The following ARFGAP3 variants were observed in gnomAD, a reference collection of about 807,000 sequenced individuals.
ARFGAP3 encodes ADP-ribosylation factor GTPase-activating protein 3.
A neutral mutation model predicts 75.0 loss-of-function variants in ARFGAP3; 72 were observed. The ratio of observed to expected loss-of-function variants is 0.96; its 90% CI spans 0.79 to 1.17. The LOEUF (loss-of-function observed/expected upper bound fraction) is 1.17, where lower values mean the gene tolerates loss of function less well. ARFGAP3 is among the 50% of genes most tolerant of loss of function. ARFGAP3 has a pLI of 0.00. For synonymous variants in ARFGAP3, 221 were observed against 217.9 expected, an observed-to-expected ratio of 1.01 and a Z score of -0.13; for missense variants, 620 against 626.6, an observed-to-expected ratio of 0.99 and a Z score of 0.11.
intron 9 of ARFGAP3, among the ~76,000 whole-genome samples, chr22:42,821,024 C>G (rs369862654): frequency 3.9e-4 from 60 of 152,210 alleles, no homozygotes; most frequent in Admixed American, 1.1e-3. Flanking sequence ...TCCACATTAT[C>G]GTTCCAACTC....
chr22:42,837,254 G>C (rs1363644874), intron 3 of ARFGAP3, among the ~76,000 whole-genome samples: 2 of 152,130 alleles, frequency 1.3e-5, no homozygotes, highest in African/African-American at 4.8e-5. Context: ...TTGAGGCCAG[G>C]AATTCGAGAC....
chr22:42,827,846 G>A (rs1286254936), intron 6 of ARFGAP3, among the ~76,000 whole-genome samples: 1 of 151,924 alleles, frequency 6.6e-6, no homozygotes, highest in Non-Finnish European at 1.5e-5. Flanking sequence ...AACTTTCGGA[G>A]GCCAAGTTGG....
intron 1 of ARFGAP3, chr22:42,853,898 G>C (rs1927387193): frequency 1.2e-5 from 2 of 160,258 alleles, no homozygotes; most frequent in African/African-American, 2.4e-5. Context: ...ATGCTGCAGA[G>C]AGCATGAGGA....
intron 5 of ARFGAP3, among the ~76,000 whole-genome samples, chr22:42,831,998 G>A (rs1455389065): frequency 2.6e-5 from 4 of 151,856 alleles, no homozygotes; most frequent in Admixed American, 6.6e-5. Flanking sequence ...GCCCAGGCTC[G>A]TCTCAAACGC....
chr22:42,850,259 G>A (rs991655548), intron 1 of ARFGAP3, among the ~76,000 whole-genome samples: 2 of 151,074 alleles, frequency 1.3e-5, no homozygotes, highest in Admixed American at 6.6e-5. Flanking sequence ...TAATCTTTTT[G>A]CAGGAAAAAA....
chr22:42,842,620 C>T (rs186749758), intron 2 of ARFGAP3, among the ~76,000 whole-genome samples: 16 of 151,654 alleles, frequency 1.1e-4, no homozygotes, highest in African/African-American at 3.1e-4. Flanking sequence ...GGCTAATTTT[C>T]GTAATTTTAG....
intron 3 of ARFGAP3, among the ~76,000 whole-genome samples, chr22:42,839,024 G>A (rs1224115666): frequency 6.7e-6 from 1 of 150,242 alleles, no homozygotes; most frequent in African/African-American, 2.5e-5. Flanking sequence ...GCAGAAGAAT[G>A]GCATGAACCT....
chr22:42,802,282 A>G (rs1199822793), intron 14 of ARFGAP3, among the ~76,000 whole-genome samples: 3 of 150,772 alleles, frequency 2.0e-5, no homozygotes, highest in Non-Finnish European at 2.9e-5. Flanking sequence ...GCTCCTCAAA[A>G]TAACAATTTT....
intron 3 of ARFGAP3, among the ~76,000 whole-genome samples, chr22:42,839,783 A>G (rs1926699331): frequency 6.6e-6 from 1 of 151,788 alleles, no homozygotes; most frequent in South Asian, 2.1e-4. Context: ...AGCACTTATC[A>G]CTGCCTGTTA....
At position 42,840,932 on chromosome 22, in the gene ARFGAP3, A is replaced by C. The variant is rs760719397; in HGVS notation, c.261+12T>G. 6.2e-7 allele frequency: 1 copy of C among 1,613,196 alleles called. No homozygotes were observed. Among genetic ancestry groups the C allele is most frequent in the Admixed American group, 1.7e-5 (1 of 59,870 alleles). ...AACAAGAAGGAAAATGACGAGTTTG[A>C]GATGAACTTACTGCACTAGCGTTTC... On this transcript the variant is annotated intron_variant, in intron 3 of 15. Coordinates refer to ENST00000263245, the MANE Select transcript of ARFGAP3 (RefSeq NM_014570.5).
intron 1 of ARFGAP3, among the ~76,000 whole-genome samples, chr22:42,853,954 T>C (rs1042691675): frequency 1.3e-5 from 2 of 152,180 alleles, no homozygotes; most frequent in Non-Finnish European, 2.9e-5. Context: ...GATCTCCATT[T>C]TAAAGAAAAC....
intron 12 of ARFGAP3, among the ~76,000 whole-genome samples, chr22:42,809,560 G>C (rs183780275): frequency 1.3e-5 from 2 of 152,148 alleles, no homozygotes; most frequent in East Asian, 3.9e-4. Context: ...GGCAGGGGAG[G>C]GGGGACTACA....
At chr22:42,824,300 G>C (rs1925946617) in intron 7 of ARFGAP3, among the ~76,000 whole-genome samples, 1 of 147,622 alleles carries the variant, frequency 6.8e-6, no homozygotes, top group South Asian at 2.2e-4. Context: ...ATGAGTATGA[G>C]CCACCATGCC....
At chr22:42,850,758 A>G (rs1927244155) in intron 1 of ARFGAP3, among the ~76,000 whole-genome samples, 1 of 152,102 alleles carries the variant, frequency 6.6e-6, no homozygotes, top group African/African-American at 2.4e-5. Flanking sequence ...GCTCACACTG[A>G]TCGCACACTG....
chr22:42,847,343 T>G, intron 2 of ARFGAP3, 171 bp downstream of exon 2: 2 of 568,422 alleles, frequency 3.5e-6, no homozygotes, highest in Non-Finnish European at 6.2e-6. Flanking sequence ...TTTTTTATTT[T>G]TTGTAGAGGC....
At chr22:42,831,146 G>C (rs142307621) in intron 6 of ARFGAP3, among the ~76,000 whole-genome samples, 1,835 of 152,132 alleles carry the variant, frequency 0.012, 44 homozygotes, top group African/African-American at 0.043. Flanking sequence ...AAATTAGCCA[G>C]ATGTGCGGTG....
rs1925995022 is a variant in ARFGAP3 at position 42,825,445 on chromosome 22, G to A, written c.625+1495C>T. ...TCCCAGCACTTTGGGAGGCCAAGGCGGGCAGATCACCTGAGGTCAGGAGTT... is the reference window on the plus strand; with the variant it reads ...TCCCAGCACTTTGGGAGGCCAAGGCAGGCAGATCACCTGAGGTCAGGAGTT... On this transcript the variant is annotated intron_variant, in intron 7 of 15. Transcript: ENST00000263245. 2.6e-5 allele frequency among the ~76,000 whole-genome samples: 4 copies of A among 151,960 alleles called. No homozygotes were observed. The South Asian group carries it at 6.2e-4, about 24-fold the overall frequency.
chr22:42,816,241 C>T (rs891753774), intron 11 of ARFGAP3, among the ~76,000 whole-genome samples: 20 of 152,216 alleles, frequency 1.3e-4, no homozygotes, highest in African/African-American at 4.6e-4. Flanking sequence ...ATAGCATTCG[C>T]AGTATCTCAT....
chr22:42,840,132 T>C (rs1415892294), intron 3 of ARFGAP3, among the ~76,000 whole-genome samples: 2 of 151,942 alleles, frequency 1.3e-5, no homozygotes, highest in African/African-American at 4.8e-5. Flanking sequence ...AGTTTTGTCA[T>C]GTTGTCCAGG....
Sources: allele counts gnomAD v4.1 joint callset (sites outside exome capture counted in the v4.1 genomes callset), GRCh38; gene constraint gnomAD v4.1.1; transcripts MANE v1.5; gene names NCBI Gene and HGNC (gene_info 2026-07-23, HGNC 2026-07-21).